Variants in AQP7B observed in about 807,000 individuals in gnomAD.
AQP7B encodes putative aquaporin-7B.
chr2:94,603,318 C>T, the AQP7B span: 8 of 1,517,396 alleles, frequency 5.3e-6, no homozygotes, highest in Non-Finnish European at 6.3e-6. Context: ...CCTATAACCT[C>T]ATTTCTGGGA....
the AQP7B span, among the ~76,000 whole-genome samples, chr2:94,593,705 C>T: frequency 2.6e-5 from 4 of 151,890 alleles, no homozygotes; most frequent in Non-Finnish European, 4.4e-5. Flanking sequence ...AGGCTGGTCT[C>T]GAACTCCCAA....
At chr2:94,595,207 G>T in the AQP7B span, among the ~76,000 whole-genome samples, 1 of 152,168 alleles carries the variant, frequency 6.6e-6, no homozygotes, top group Admixed American at 6.5e-5. Context: ...GGCTTAGGCA[G>T]GTGGATCACC....
the AQP7B span, among the ~76,000 whole-genome samples, chr2:94,595,240 G>C: frequency 6.6e-5 from 10 of 152,190 alleles, no homozygotes; most frequent in African/African-American, 2.4e-4. Context: ...TTCGAAACCA[G>C]CCTGGCCAAC....
chr2:94,591,814 A>G, the AQP7B span, among the ~76,000 whole-genome samples: 4 of 151,808 alleles, frequency 2.6e-5, no homozygotes, highest in East Asian at 7.8e-4. Context: ...CTTGACCTAA[A>G]TTTCTCTTTC....
At chr2:94,596,389 C>T in the AQP7B span, among the ~76,000 whole-genome samples, 3 of 152,134 alleles carry the variant, frequency 2.0e-5, no homozygotes, top group Non-Finnish European at 4.4e-5. Flanking sequence ...GAAGGGGCAG[C>T]CTCTGGGAAG....
At chr2:94,602,221 G>T in the AQP7B span, among the ~76,000 whole-genome samples, 10 of 151,986 alleles carry the variant, frequency 6.6e-5, no homozygotes, top group Admixed American at 5.2e-4. Flanking sequence ...TGGGCCTGGG[G>T]CTGAGGTGCT....
chr2:94,603,879 G>C, the AQP7B span: 2 of 1,374,140 alleles, frequency 1.5e-6, no homozygotes, highest in South Asian at 2.5e-5. Flanking sequence ...CCCGGGACCC[G>C]CCCCCCAGCA....
chr2:94,596,183 G>T, the AQP7B span, among the ~76,000 whole-genome samples: 1 of 152,246 alleles, frequency 6.6e-6, no homozygotes, highest in African/African-American at 2.4e-5. Flanking sequence ...GTTTGGCAAC[G>T]TGGAGGTTGC....
At chr2:94,593,480 CTTTTTT>C in the AQP7B span, among the ~76,000 whole-genome samples, 26 of 113,944 alleles carry the variant, frequency 2.3e-4, no homozygotes, top group South Asian at 8.9e-4. Context: ...TCCTCTTCCT[CTTTTTT>C]TTTTTTTTTT....
chr2:94,596,313 C>T, the AQP7B span, among the ~76,000 whole-genome samples: 1 of 152,222 alleles, frequency 6.6e-6, no homozygotes. Context: ...CCCAGTGAGC[C>T]TCTGCCCTTA....
chr2:94,604,177 C>T, the AQP7B span: 7 of 1,171,406 alleles, frequency 6.0e-6, no homozygotes, highest in East Asian at 2.4e-5. Flanking sequence ...GGGGTGTTTC[C>T]TGGGGTAGCC....
chr2:94,596,265 G>T, the AQP7B span, among the ~76,000 whole-genome samples: 2 of 152,238 alleles, frequency 1.3e-5, no homozygotes, highest in Non-Finnish European at 2.9e-5. Flanking sequence ...AGGATGTGAG[G>T]TTGCTCCCTC....
the AQP7B span, among the ~76,000 whole-genome samples, chr2:94,590,966 A>G: frequency 6.6e-6 from 1 of 150,718 alleles, no homozygotes; most frequent in Non-Finnish European, 1.5e-5. Context: ...AAAAAAAAAA[A>G]AAGAAAGAAA....
the AQP7B span, among the ~76,000 whole-genome samples, chr2:94,591,382 C>A: frequency 2.0e-5 from 3 of 152,216 alleles, no homozygotes; most frequent in Non-Finnish European, 2.9e-5. Flanking sequence ...GCTCCCTTCC[C>A]TCTCTAACCG....
chr2:94,593,983 C>G, the AQP7B span, among the ~76,000 whole-genome samples: 1 of 152,202 alleles, frequency 6.6e-6, no homozygotes, highest in Admixed American at 6.5e-5. Context: ...GAGAGTAAGA[C>G]AGATTCCCCA....
chr2:94,589,192 A>T, the AQP7B span, among the ~76,000 whole-genome samples: 1 of 149,096 alleles, frequency 6.7e-6, no homozygotes. Flanking sequence ...TATTTTTAGT[A>T]GAAATGGGGT....
chr2:94,587,461 G>C, the AQP7B span, among the ~76,000 whole-genome samples: 1 of 152,190 alleles, frequency 6.6e-6, no homozygotes, highest in Non-Finnish European at 1.5e-5. Context: ...TCAGTGCCCA[G>C]ATCTGGAAGG....
At chr2:94,597,778 T>G in the AQP7B span, among the ~76,000 whole-genome samples, 2 of 152,104 alleles carry the variant, frequency 1.3e-5, no homozygotes, top group Non-Finnish European at 2.9e-5. Context: ...CCAATTTTTG[T>G]ATTTTTAGGA....
the AQP7B span, among the ~76,000 whole-genome samples, chr2:94,601,393 C>G: frequency 6.6e-6 from 1 of 152,158 alleles, no homozygotes; most frequent in East Asian, 1.9e-4. Context: ...CAGGAGAGTT[C>G]CAATGGGGAT....
Sources: gnomAD v4.1 joint callset for allele counts (sites outside exome capture counted in the v4.1 genomes callset) on GRCh38, gnomAD v4.1.1 for gene constraint, MANE v1.5 for transcripts, NCBI Gene and HGNC (gene_info 2026-07-23, HGNC 2026-07-21) for gene names.